STXBP5: variants seen among roughly 807,000 people sequenced by gnomAD.
The protein encoded by STXBP5 is syntaxin binding protein 5.
STXBP5 carries 50 observed loss-of-function variants against 152.4 expected under a neutral mutation model. The observed-to-expected ratio is 0.33, with a 90% CI of 0.26 to 0.42. STXBP5 has a LOEUF of 0.42. Among genes scored for constraint, STXBP5 ranks in the 10% least tolerant of loss-of-function variants. The pLI, the probability that STXBP5 is intolerant of heterozygous loss-of-function variation, is 1.00. For missense variants in STXBP5, 1,167 were observed against 1,388.6 expected, an observed-to-expected ratio of 0.84 and a Z score of 2.54; for synonymous variants, 492 against 494.7, an observed-to-expected ratio of 0.99 and a Z score of 0.07.
intron 4 of STXBP5, among the ~76,000 whole-genome samples, chr6:147,248,318 A>G (rs1365845642): frequency 6.6e-6 from 1 of 152,042 alleles, no homozygotes; most frequent in Non-Finnish European, 1.5e-5. Context: ...TCTGCCAATG[A>G]ACTGATAAAC....
chr6:147,362,945 C>T (rs533179583), intron 23 of STXBP5, among the ~76,000 whole-genome samples: 1 of 152,168 alleles, frequency 6.6e-6, no homozygotes, highest in Non-Finnish European at 1.5e-5. Context: ...CACATGTGGC[C>T]CCACACTGAC....
chr6:147,356,156 AT>A lies in STXBP5; in HGVS notation c.2305+2785del, dbSNP rs561069831. ...TGTGCATTTTATATAGTATTAGTCT[AT>A]TAAATTCAAACATTGCTCATTTGAC... On this transcript the variant is annotated intron_variant, in intron 22 of 27. Coordinates refer to ENST00000321680, the MANE Select transcript of STXBP5 (RefSeq NM_001127715.4). 3.3e-4 allele frequency among the ~76,000 whole-genome samples: 51 copies of A among 152,268 alleles called. 1 individual carries two copies. The East Asian group carries it at 8.1e-3, about 24-fold the overall frequency.
chr6:147,371,884 G>A (rs180955921), intron 25 of STXBP5, among the ~76,000 whole-genome samples: 299 of 152,162 alleles, frequency 2.0e-3, no homozygotes, highest in African/African-American at 6.7e-3. Context: ...TGATAGCTGT[G>A]TTGCTGTTAT....
chr6:147,338,852 G>C (rs902493777), intron 19 of STXBP5, among the ~76,000 whole-genome samples: 2 of 151,400 alleles, frequency 1.3e-5, no homozygotes, highest in Admixed American at 6.6e-5. Flanking sequence ...AAGAATTCCA[G>C]ATTTTTTCGA....
At position 147,310,303 on chromosome 6, in the gene STXBP5, C is replaced by T. The variant is rs6929518; in HGVS notation, c.1072+65C>T. 1.9e-3 allele frequency: 1,978 copies of T among 1,041,826 alleles called. 31 individuals are homozygous for T. The African/African-American group carries it at 0.029, about 15-fold the overall frequency. The allele number at this position is 1,041,826 out of a possible 1,614,324, so 64.5% of individuals were successfully genotyped here. A position where few individuals can be genotyped will look rare whatever the true frequency, so the allele number is the denominator to read the frequency against. The stretch of plus-strand genomic sequence containing the variant: ...CTGATATTAAAAAAAAAAAAAAGAC[C>T]TAGGTTGTTTAGATAAAACTACTCA... On this transcript the variant is annotated intron_variant, in intron 10 of 27. Coordinates refer to ENST00000321680, the MANE Select transcript of STXBP5 (RefSeq NM_001127715.4).
rs549036549 is a variant in STXBP5, at chr6:147,252,448, G to A, written c.432-8167G>A. 7.1e-3 allele frequency among the ~76,000 whole-genome samples: 1,078 copies of A among 151,984 alleles called. 13 individuals are homozygous for A. Among genetic ancestry groups the A allele is most frequent in the African/African-American group, 0.025 (1,036 of 41,450 alleles). On this transcript the variant is annotated intron_variant, in intron 4 of 27. Transcript: ENST00000321680. ...GATAAAGCATACACAAGTATCAGTA[G>A]CCAAATTGATCAAGCAGAAGAAAGG...
chr6:147,235,502 A>G (rs1319695601), intron 3 of STXBP5, among the ~76,000 whole-genome samples, 171 bp downstream of exon 3: 1 of 152,230 alleles, frequency 6.6e-6, no homozygotes, highest in Non-Finnish European at 1.5e-5. Context: ...GGACAGTTAC[A>G]TAAATAATGT....
intron 7 of STXBP5, among the ~76,000 whole-genome samples, chr6:147,273,665 G>A (rs983598717): frequency 6.6e-6 from 1 of 151,980 alleles, no homozygotes; most frequent in Non-Finnish European, 1.5e-5. Flanking sequence ...TAAAAAAAAC[G>A]TTGATGCCGG....
At chr6:147,335,620 A>G (rs1418065716) in intron 19 of STXBP5, among the ~76,000 whole-genome samples, 1 of 152,172 alleles carries the variant, frequency 6.6e-6, no homozygotes, top group Non-Finnish European at 1.5e-5. Context: ...AGATAAGTAT[A>G]TATTTAAATC....
intron 2 of STXBP5, among the ~76,000 whole-genome samples, chr6:147,218,145 T>G (rs994987019): frequency 3.9e-5 from 6 of 152,198 alleles, no homozygotes; most frequent in Non-Finnish European, 7.3e-5. Flanking sequence ...ATTCGTAGCC[T>G]CCTCCATTAT....
intron 4 of STXBP5, among the ~76,000 whole-genome samples, chr6:147,254,720 T>A (rs1336617270): frequency 6.6e-6 from 1 of 152,024 alleles, no homozygotes; most frequent in Non-Finnish European, 1.5e-5. Flanking sequence ...GAAAAAAAGG[T>A]CATCATCACT....
intron 25 of STXBP5, among the ~76,000 whole-genome samples, chr6:147,366,928 G>A (rs148466186): frequency 5.3e-4 from 80 of 152,248 alleles, no homozygotes; most frequent in African/African-American, 1.8e-3. Flanking sequence ...GGTAAAAATC[G>A]CAATGTCTGG....
intron 4 of STXBP5, among the ~76,000 whole-genome samples, chr6:147,256,790 A>G (rs1779390474): frequency 6.6e-6 from 1 of 152,140 alleles, no homozygotes; most frequent in Non-Finnish European, 1.5e-5. Flanking sequence ...TTGCTCATTT[A>G]ATAAAGACTT....
intron 9 of STXBP5, among the ~76,000 whole-genome samples, chr6:147,300,920 A>G (rs1266542610): frequency 2.0e-5 from 3 of 152,086 alleles, no homozygotes; most frequent in Admixed American, 6.5e-5. Flanking sequence ...CTAAAGATTA[A>G]TATACAGAAT....
chr6:147,314,203 A>G, intron 12 of STXBP5, 61 bp from the exon 13 acceptor site: 1 of 1,428,764 alleles, frequency 7.0e-7, no homozygotes. Context: ...ACACACACAC[A>G]CACACACGGA....
At chr6:147,228,110 T>A (rs934673306) in intron 2 of STXBP5, among the ~76,000 whole-genome samples, 1 of 152,078 alleles carries the variant, frequency 6.6e-6, no homozygotes, top group Non-Finnish European at 1.5e-5. Context: ...TGAGTTGAAT[T>A]CAGTGTTTAT....
chr6:147,309,932 A>T (rs976345247), intron 9 of STXBP5, 152 bp from the exon 10 acceptor site: 39 of 498,012 alleles, frequency 7.8e-5, no homozygotes, highest in Non-Finnish European at 1.2e-4. Context: ...AACTAATCCA[A>T]TTAAAAATTC....
At chr6:147,332,649 C>T (rs1783633188) in intron 18 of STXBP5, among the ~76,000 whole-genome samples, 1 of 152,138 alleles carries the variant, frequency 6.6e-6, no homozygotes, top group Non-Finnish European at 1.5e-5. Context: ...TGAGAGGTAA[C>T]AGGATACAGT....
chr6:147,331,739 A>G (rs1270385606), intron 18 of STXBP5, among the ~76,000 whole-genome samples: 1 of 148,902 alleles, frequency 6.7e-6, no homozygotes, highest in Non-Finnish European at 1.5e-5. Flanking sequence ...TTTTCCCCTC[A>G]TTTTTAAATC....
Sources: allele counts gnomAD v4.1 joint callset (sites outside exome capture counted in the v4.1 genomes callset), GRCh38; gene constraint gnomAD v4.1.1; transcripts MANE v1.5; gene names NCBI Gene and HGNC (gene_info 2026-07-23, HGNC 2026-07-21).